The following POC1A variants were observed in gnomAD, a reference collection of about 807,000 sequenced individuals.
POC1A encodes the protein POC1 centriolar protein homolog A.
A neutral mutation model predicts 47.8 loss-of-function variants in POC1A; 34 were observed. The observed-to-expected ratio is 0.71, with a 90% confidence interval of 0.54 to 0.95. The LOEUF is 0.95. POC1A is among the 40% of genes least tolerant of loss of function. The pLI is 0.00. For missense variants in POC1A, 466 were observed against 528.3 expected (o/e 0.88, Z 1.16); for synonymous variants, 177 against 207.6 (o/e 0.85, Z 1.27).
Position 52,075,685 on chromosome 3 carries a change from C to T in POC1A, c.*202G>A. On this transcript the variant is annotated 3_prime_UTR_variant, in exon 11 of 11. Transcript: ENST00000296484. ...AAGCATCATTTGTGTGTGAGCCCGGCCCACTGGGGACCTCTGGCTGCCAGG... is the reference window on the plus strand; with the variant it reads ...AAGCATCATTTGTGTGTGAGCCCGGTCCACTGGGGACCTCTGGCTGCCAGG... The T allele has an allele frequency of 1.9e-6, 1 of 517,630 alleles. No homozygotes were observed. 32.1% of individuals were successfully genotyped at this position (517,630 alleles called of 1,614,324 possible). A position where few individuals can be genotyped will look rare whatever the true frequency, so the allele number is the denominator to read the frequency against.
At chr3:52,110,301 A>G (rs1048765686) in intron 9 of POC1A, among the ~76,000 whole-genome samples, 5 of 152,178 alleles carry the variant, frequency 3.3e-5, no homozygotes, top group Admixed American at 6.5e-5. Context: ...GTGGAGCAGG[A>G]AGAACTCACC....
intron 7 of POC1A, among the ~76,000 whole-genome samples, chr3:52,133,138 C>T (rs1254351012): frequency 6.6e-6 from 1 of 152,066 alleles, no homozygotes; most frequent in Non-Finnish European, 1.5e-5. Context: ...AAGGGCTCCG[C>T]CCTCATGAAG....
intron 7 of POC1A, among the ~76,000 whole-genome samples, chr3:52,127,025 G>C (rs1329519238): frequency 6.6e-6 from 1 of 152,180 alleles, no homozygotes; most frequent in Admixed American, 6.5e-5. Context: ...CAAAGACAAA[G>C]CCTCTGGCCT....
chr3:52,139,122 A>C (rs1698093848), intron 6 of POC1A, among the ~76,000 whole-genome samples: 1 of 152,078 alleles, frequency 6.6e-6, no homozygotes, highest in Admixed American at 6.6e-5. Context: ...GTGAGCCACC[A>C]CATCCATCCT....
At chr3:52,131,443 G>A (rs1330410357) in intron 7 of POC1A, among the ~76,000 whole-genome samples, 1 of 152,114 alleles carries the variant, frequency 6.6e-6, no homozygotes, top group East Asian at 1.9e-4. Context: ...GAGAGGCAGG[G>A]ACTCCCTTTC....
intron 10 of POC1A, among the ~76,000 whole-genome samples, chr3:52,088,779 T>C (rs983379720): frequency 1.3e-5 from 2 of 151,756 alleles, no homozygotes; most frequent in African/African-American, 4.8e-5. Context: ...AAGCCTAGAT[T>C]CAGCCCGAAT....
At chr3:52,113,557 G>A (rs890415056) in intron 9 of POC1A, among the ~76,000 whole-genome samples, 3 of 152,130 alleles carry the variant, frequency 2.0e-5, no homozygotes, top group Non-Finnish European at 4.4e-5. Context: ...ACAAAAGTTC[G>A]CCGGTGTGGT....
Position 52,136,744 on chromosome 3 carries a change from AC to A in POC1A, c.813+1424del, listed in dbSNP as rs1387626390. ...GGCAATGCGCCATGGTCCTTGCTTC[AC>A]TTCCCGGAGAGAACAATGTCAATAG... On this transcript the variant is annotated intron_variant, in intron 7 of 10. Coordinates refer to ENST00000296484, the MANE Select transcript of POC1A (RefSeq NM_015426.5). Among the ~76,000 whole-genome samples, 4 of 152,272 alleles carry A rather than the reference AC, an allele frequency of 2.6e-5. No individual in the cohort carries two copies. In the East Asian group the frequency reaches 5.8e-4, roughly 22 times the overall value.
rs747628428 is a variant in POC1A, at chr3:52,138,151, C to G, written c.813+18G>C. 3.1e-6 allele frequency: 5 copies of G among 1,614,044 alleles called. No homozygotes were observed. The highest frequency in any genetic ancestry group is 3.4e-6 in the Non-Finnish European group (4 of 1,179,898). On this transcript the variant is annotated intron_variant, in intron 7 of 10. Coordinates refer to ENST00000296484, the MANE Select transcript of POC1A (RefSeq NM_015426.5). ...ACCACCACTCCACACCACTCAGCAC[C>G]TGGCCGACACCTCTCACCTGATGCC...
At chr3:52,082,152 T>C (rs760963895) in intron 10 of POC1A, among the ~76,000 whole-genome samples, 33 of 151,830 alleles carry the variant, frequency 2.2e-4, no homozygotes, top group Admixed American at 8.5e-4. Flanking sequence ...GAGGATCCTA[T>C]TGAGGGCAGC....
At chr3:52,133,325 A>T (rs1341994025) in intron 7 of POC1A, among the ~76,000 whole-genome samples, 2 of 152,192 alleles carry the variant, frequency 1.3e-5, no homozygotes, top group Non-Finnish European at 2.9e-5. Context: ...GACTTCCAGC[A>T]TCTGGAACTG....
intron 2 of POC1A, 71 bp downstream of exon 2, chr3:52,150,945 C>T: frequency 7.2e-7 from 1 of 1,383,318 alleles, no homozygotes; most frequent in South Asian, 1.2e-5. Context: ...TCCCACCCAC[C>T]ACCCCTCCGA....
intron 9 of POC1A, among the ~76,000 whole-genome samples, chr3:52,099,446 A>G (rs1324149186): frequency 6.6e-6 from 1 of 152,258 alleles, no homozygotes; most frequent in African/African-American, 2.4e-5. Context: ...GTGGCAGAAT[A>G]ACCCAAGCAG....
intron 7 of POC1A, among the ~76,000 whole-genome samples, chr3:52,131,440 A>C (rs527459864): frequency 6.6e-6 from 1 of 152,282 alleles, no homozygotes; most frequent in East Asian, 1.9e-4. Context: ...AGTGAGAGGC[A>C]GGGACTCCCT....
chr3:52,106,980 G>A (rs564489581), intron 9 of POC1A, among the ~76,000 whole-genome samples: 3 of 152,372 alleles, frequency 2.0e-5, no homozygotes, highest in South Asian at 2.1e-4. Context: ...TTTGGTGTCC[G>A]ACATGCCCCC....
At chr3:52,110,185 C>A (rs548300207) in intron 9 of POC1A, among the ~76,000 whole-genome samples, 1 of 152,294 alleles carries the variant, frequency 6.6e-6, no homozygotes, top group Admixed American at 6.5e-5. Flanking sequence ...ATACTGAGCA[C>A]CATGGCAAGA....
intron 10 of POC1A, among the ~76,000 whole-genome samples, chr3:52,081,108 G>A (rs930171470): frequency 6.6e-6 from 1 of 152,234 alleles, no homozygotes; most frequent in Admixed American, 6.5e-5. Context: ...TCTCAAGAAA[G>A]CCTTGGCCTT....
At chr3:52,104,422 C>A (rs1196191481) in intron 9 of POC1A, among the ~76,000 whole-genome samples, 2 of 152,176 alleles carry the variant, frequency 1.3e-5, no homozygotes, top group Non-Finnish European at 2.9e-5. Flanking sequence ...CTGTTTCTGT[C>A]ACAACTCAGA....
Position 52,150,998 on chromosome 3 carries a change from C to T in POC1A, c.103+18G>A. 1 of 1,612,992 alleles carries T rather than the reference C, an allele frequency of 6.2e-7. No individual in the cohort carries two copies. The highest frequency in any genetic ancestry group is 1.1e-5 in the South Asian group (1 of 91,058). ...TTCAGCTCATAACCTAGCACCTAGACAGGGTGCCTCTTCTTACCCAGCTGC... is the reference window on the plus strand; with the variant it reads ...TTCAGCTCATAACCTAGCACCTAGATAGGGTGCCTCTTCTTACCCAGCTGC... On this transcript the variant is annotated intron_variant, in intron 2 of 10. Transcript: ENST00000296484.
Sources: gnomAD v4.1 joint callset for allele counts (sites outside exome capture counted in the v4.1 genomes callset) on GRCh38, gnomAD v4.1.1 for gene constraint, MANE v1.5 for transcripts, NCBI Gene and HGNC (gene_info 2026-07-23, HGNC 2026-07-21) for gene names.